The following PAPPA variants were observed in gnomAD, a reference collection of about 807,000 sequenced individuals.
PAPPA encodes the protein pappalysin 1, also known as pappalysin-1.
PAPPA carries 60 observed loss-of-function variants against 164.0 expected under a neutral mutation model. That is an observed-to-expected ratio of 0.37 (90% CI 0.30 to 0.45). The LOEUF (loss-of-function observed/expected upper bound fraction) is 0.45, where lower values mean the gene tolerates loss of function less well. PAPPA is among the 20% of genes least tolerant of loss of function. PAPPA has a pLI of 1.00. For synonymous variants in PAPPA, 875 were observed against 814.1 expected (o/e 1.07, Z -1.27); for missense variants, 1,782 against 2,087.3 (o/e 0.85, Z 2.85).
chr9:116,229,623 G>A (rs992135587), intron 6 of PAPPA, among the ~76,000 whole-genome samples: 3 of 152,204 alleles, frequency 2.0e-5, no homozygotes, highest in African/African-American at 7.2e-5. Flanking sequence ...GTGAGGACGG[G>A]TTTGGATTCA....
intron 13 of PAPPA, among the ~76,000 whole-genome samples, chr9:116,341,071 C>T (rs1033863837): frequency 2.6e-5 from 4 of 151,124 alleles, no homozygotes; most frequent in African/African-American, 9.8e-5. Context: ...TACACAGTCT[C>T]ACTCTGTTTC....
chr9:116,399,539 A>C lies in PAPPA; in HGVS notation c.*2923A>C, dbSNP rs1276637171. The C allele has an allele frequency of 6.6e-6, 1 of 152,596 alleles. No individual in the cohort carries two copies. Among genetic ancestry groups the C allele is most frequent in the Non-Finnish European group, 1.5e-5 (1 of 68,030 alleles). 9.5% of individuals were successfully genotyped at this position (152,596 alleles called of 1,614,324 possible). A position where few individuals can be genotyped will look rare whatever the true frequency, so the allele number is the denominator to read the frequency against. On this transcript the variant is annotated 3_prime_UTR_variant, in exon 22 of 22. Transcript: ENST00000328252. ...CAGCTCTGATGCACTATTGTGTGTC[A>C]GCAGCTCAAAGGCCCTAAAACACTG... is the stretch of plus-strand genomic sequence containing the variant.
chr9:116,209,449 G>A (rs1463689958), intron 3 of PAPPA, among the ~76,000 whole-genome samples: 1 of 152,188 alleles, frequency 6.6e-6, no homozygotes, highest in African/African-American at 2.4e-5. Flanking sequence ...ATCAGAGTCT[G>A]AGAAGGATTG....
chr9:116,185,708 T>C (rs1007112966), intron 1 of PAPPA, among the ~76,000 whole-genome samples: 2 of 152,184 alleles, frequency 1.3e-5, no homozygotes, highest in Admixed American at 1.3e-4. Context: ...CTGGGTATAT[T>C]CCAGAAAGGC....
Position 116,344,633 on chromosome 9 carries a change from C to T in PAPPA, c.3702C>T (p.His1234=), listed in dbSNP as rs142033727. The change falls in exon 14 of 22, where the codon CAC becomes CAT. Residue 1234 remains histidine, a synonymous_variant. Transcript: ENST00000328252. ...ATTGCTCCAGCAGCGACCGCTACCA[C>T]GGTGCCCAGTGTACTGTGAGCTGCC... The part of the protein sequence containing the change: ...SLNCSSSDRY[H]GAQCTVSCRT... The T allele has an allele frequency of 2.9e-3, 4,602 of 1,614,174 alleles. 9 individuals are homozygous for T. Among genetic ancestry groups the T allele is most frequent in the Non-Finnish European group, 3.5e-3 (4,147 of 1,180,004 alleles).
chr9:116,283,261 G>T (rs1217564136), intron 9 of PAPPA, among the ~76,000 whole-genome samples: 1 of 152,206 alleles, frequency 6.6e-6, no homozygotes, highest in Admixed American at 6.5e-5. Flanking sequence ...GGTCATTAAA[G>T]ATATGAAGGG....
At chr9:116,234,992 T>C (rs1844642339) in intron 6 of PAPPA, 147 bp from the exon 7 acceptor site, 1 of 773,832 alleles carries the variant, frequency 1.3e-6, no homozygotes, top group East Asian at 2.5e-5. Flanking sequence ...GTATAGCAGA[T>C]TCACCAAGGC....
intron 21 of PAPPA, among the ~76,000 whole-genome samples, chr9:116,387,564 G>C (rs1846832141): frequency 6.6e-6 from 1 of 152,094 alleles, no homozygotes; most frequent in Admixed American, 6.5e-5. Context: ...TGTAGAGAAA[G>C]CAGTCTCCCT....
chr9:116,172,569 A>G (rs1843786398), intron 1 of PAPPA, among the ~76,000 whole-genome samples: 1 of 152,168 alleles, frequency 6.6e-6, no homozygotes. Context: ...ACTTACATGG[A>G]TTCTTCTGAT....
At chr9:116,252,376 T>A (rs1239432313) in intron 7 of PAPPA, among the ~76,000 whole-genome samples, 4 of 152,244 alleles carry the variant, frequency 2.6e-5, no homozygotes, top group African/African-American at 7.2e-5. Context: ...GAGCTCACAG[T>A]GACCACCAGG....
chr9:116,213,104 T>C (rs1041241209), intron 4 of PAPPA, among the ~76,000 whole-genome samples: 2 of 152,250 alleles, frequency 1.3e-5, no homozygotes, highest in African/African-American at 4.8e-5. Flanking sequence ...TCCACAGGGA[T>C]GCTTCAGGGC....
intron 2 of PAPPA, among the ~76,000 whole-genome samples, chr9:116,190,638 GAGAC>G (rs1447847457): frequency 6.6e-6 from 1 of 152,246 alleles, no homozygotes; most frequent in Non-Finnish European, 1.5e-5. Context: ...GTGTATCATT[GAGAC>G]AGGATGAAGA....
intron 21 of PAPPA, among the ~76,000 whole-genome samples, chr9:116,395,049 A>C (rs1846944731): frequency 6.6e-6 from 1 of 152,192 alleles, no homozygotes; most frequent in Non-Finnish European, 1.5e-5. Flanking sequence ...AGCATATGTC[A>C]AGCACTGTGT....
At chr9:116,270,316 C>T (rs142221537) in intron 8 of PAPPA, among the ~76,000 whole-genome samples, 36 of 152,298 alleles carry the variant, frequency 2.4e-4, no homozygotes, top group African/African-American at 8.4e-4. Flanking sequence ...GATTTTTCTG[C>T]AATGATGGAA....
intron 4 of PAPPA, among the ~76,000 whole-genome samples, chr9:116,212,977 C>G (rs570610902): frequency 3.3e-5 from 5 of 152,250 alleles, no homozygotes; most frequent in East Asian, 1.9e-4. Context: ...TCATTTGCAC[C>G]AAGTCACATA....
At chr9:116,279,280 AAGG>A (rs2118840477) in intron 9 of PAPPA, among the ~76,000 whole-genome samples, 1 of 152,252 alleles carries the variant, frequency 6.6e-6, no homozygotes, top group South Asian at 2.1e-4. Context: ...AGAGCAGGAA[AAGG>A]AGGCGATGGG....
At chr9:116,278,334 T>C (rs551947909) in intron 9 of PAPPA, among the ~76,000 whole-genome samples, 1 of 152,306 alleles carries the variant, frequency 6.6e-6, no homozygotes, top group East Asian at 1.9e-4. Flanking sequence ...TATAGCCAGG[T>C]AGGTCAGAGA....
chr9:116,217,865 G>T (rs1268139085), intron 4 of PAPPA, among the ~76,000 whole-genome samples: 1 of 152,158 alleles, frequency 6.6e-6, no homozygotes, highest in Non-Finnish European at 1.5e-5. Flanking sequence ...GATTCTGTGT[G>T]CACTAATCTA....
At chr9:116,368,949 C>T (rs576723609) in intron 19 of PAPPA, among the ~76,000 whole-genome samples, 12 of 152,222 alleles carry the variant, frequency 7.9e-5, no homozygotes, top group Admixed American at 1.3e-4. Context: ...CTCCTCTGTG[C>T]GCCCCGGCAT....
Sources: allele counts gnomAD v4.1 joint callset (sites outside exome capture counted in the v4.1 genomes callset), GRCh38; gene constraint gnomAD v4.1.1; transcripts MANE v1.5; gene names NCBI Gene and HGNC (gene_info 2026-07-23, HGNC 2026-07-21).